PCSK5: variants seen among roughly 807,000 people sequenced by gnomAD.
PCSK5 encodes prohormone convertase 5.
PCSK5 carries 129 observed loss-of-function variants against 233.2 expected under a neutral mutation model. The observed-to-expected ratio is 0.55, with a 90% confidence interval of 0.48 to 0.64. PCSK5 has a LOEUF of 0.64. PCSK5 is among the 30% of genes least tolerant of loss of function. The pLI, the probability that PCSK5 is intolerant of heterozygous loss-of-function variation, is 0.00. For synonymous variants in PCSK5, 825 were observed against 879.2 expected (o/e 0.94, Z 1.09); for missense variants, 2,076 against 2,430.1 (o/e 0.85, Z 3.06).
At chr9:75,962,701 GGGCACACATAATTT>G (rs1825407443) in intron 2 of PCSK5, among the ~76,000 whole-genome samples, 1 of 152,240 alleles carries the variant, frequency 6.6e-6, no homozygotes, top group African/African-American at 2.4e-5. Flanking sequence ...CATTTGTGAT[GGGCACACATAATTT>G]GGCCCATCTG....
At chr9:76,216,645 T>C (rs1358224782) in intron 20 of PCSK5, among the ~76,000 whole-genome samples, 6 of 152,088 alleles carry the variant, frequency 3.9e-5, no homozygotes, top group Admixed American at 3.9e-4. Flanking sequence ...GAACTGTAGA[T>C]TTAGTATTGG....
At chr9:76,118,161 C>G (rs1040227338) in intron 9 of PCSK5, among the ~76,000 whole-genome samples, 2 of 151,990 alleles carry the variant, frequency 1.3e-5, no homozygotes, top group Non-Finnish European at 2.9e-5. Context: ...CAATTGTTAT[C>G]AGTTTGTCTG....
intron 10 of PCSK5, among the ~76,000 whole-genome samples, chr9:76,140,993 G>A (rs1823193371): frequency 1.3e-5 from 2 of 152,084 alleles, no homozygotes; most frequent in Non-Finnish European, 2.9e-5. Context: ...ACTTTACCTA[G>A]ATATTTGTAA....
At chr9:76,053,965 G>A (rs1384946910) in intron 5 of PCSK5, among the ~76,000 whole-genome samples, 1 of 152,174 alleles carries the variant, frequency 6.6e-6, no homozygotes, top group Non-Finnish European at 1.5e-5. Context: ...AAGAAAAAGA[G>A]GTTTGATAGA....
chr9:76,164,580 A>G (rs1376790889), intron 12 of PCSK5, among the ~76,000 whole-genome samples: 7 of 152,198 alleles, frequency 4.6e-5, no homozygotes, highest in South Asian at 2.1e-4. Flanking sequence ...GTCTAATTCT[A>G]TCAGTCTGCG....
chr9:76,145,699 T>C (rs1466685503), intron 10 of PCSK5, among the ~76,000 whole-genome samples: 11 of 152,162 alleles, frequency 7.2e-5, no homozygotes, highest in African/African-American at 2.7e-4. Context: ...CCATGGTAAG[T>C]GGGCACTGTG....
At chr9:76,299,245 G>A (rs575106403) in intron 27 of PCSK5, among the ~76,000 whole-genome samples, 20 of 152,302 alleles carry the variant, frequency 1.3e-4, no homozygotes, top group African/African-American at 4.3e-4. Flanking sequence ...ATCAAAGATT[G>A]TGCTCGACTC....
Position 75,890,953 on chromosome 9 carries a change from G to C in PCSK5, c.-229G>C, listed in dbSNP as rs767875979. ...ATCGCCGAGCGCCCCACGGGCCGGA[G>C]AGCTGGGAGCACAGGTCCCGGCAGC... On this transcript the variant is annotated 5_prime_UTR_variant, in exon 1 of 38. Coordinates refer to ENST00000674117, the MANE Select transcript of PCSK5 (RefSeq NM_001372043.1). 1.8e-5 allele frequency: 7 copies of C among 393,230 alleles called. No individual in the cohort carries two copies. Among genetic ancestry groups the C allele is most frequent in the Admixed American group, 4.5e-5 (1 of 22,212 alleles). The allele number at this position is 393,230 out of a possible 1,614,324, so 24.4% of individuals were successfully genotyped here.
At chr9:76,292,359 C>A in intron 25 of PCSK5, 84 bp downstream of exon 25, 2 of 873,768 alleles carry the variant, frequency 2.3e-6, no homozygotes, top group South Asian at 2.8e-5. Flanking sequence ...GCGATTAAAG[C>A]AAAGTGGCCC....
intron 15 of PCSK5, 29 bp from the exon 16 acceptor site, chr9:76,181,369 G>C (rs1209666498): frequency 2.5e-6 from 4 of 1,592,670 alleles, no homozygotes; most frequent in Non-Finnish European, 2.6e-6. Flanking sequence ...TCATGACGCT[G>C]CCTTCTTTCT....
At chr9:75,896,898 A>G (rs11998749) in intron 1 of PCSK5, among the ~76,000 whole-genome samples, 1 of 152,110 alleles carries the variant, frequency 6.6e-6, no homozygotes, top group Admixed American at 6.5e-5. Flanking sequence ...TCTCTACATC[A>G]AAGGGTACCA....
At chr9:76,074,581 G>A (rs1226125404) in intron 7 of PCSK5, among the ~76,000 whole-genome samples, 1 of 152,078 alleles carries the variant, frequency 6.6e-6, no homozygotes, top group Non-Finnish European at 1.5e-5. Flanking sequence ...AATACAAATA[G>A]GCTTTCAGGT....
chr9:76,340,901 T>G (rs2131500618), intron 35 of PCSK5, among the ~76,000 whole-genome samples: 1 of 151,992 alleles, frequency 6.6e-6, no homozygotes, highest in South Asian at 2.1e-4. Context: ...TCAATTTAAG[T>G]GACTATATTT....
At chr9:76,148,624 G>A (rs1295440930) in intron 10 of PCSK5, among the ~76,000 whole-genome samples, 1 of 152,100 alleles carries the variant, frequency 6.6e-6, no homozygotes, top group Non-Finnish European at 1.5e-5. Flanking sequence ...GGCCTCTGTT[G>A]ACAGGGGATA....
chr9:76,088,886 G>A (rs1321095341), intron 7 of PCSK5, among the ~76,000 whole-genome samples: 7 of 151,090 alleles, frequency 4.6e-5, no homozygotes, highest in Admixed American at 4.0e-4. Context: ...ACAAAAAACA[G>A]TAGTTTTTAA....
At chr9:76,345,235 C>A (rs542281591) in intron 35 of PCSK5, among the ~76,000 whole-genome samples, 115 of 150,300 alleles carry the variant, frequency 7.7e-4, no homozygotes, top group African/African-American at 2.7e-3. Context: ...ATTTTTGCAA[C>A]AGAGTCTTAC....
At chr9:75,948,245 T>A (rs1208018785) in intron 2 of PCSK5, among the ~76,000 whole-genome samples, 1 of 152,140 alleles carries the variant, frequency 6.6e-6, no homozygotes, top group Non-Finnish European at 1.5e-5. Flanking sequence ...TGTGCCATGT[T>A]GGTTGTTGCT....
chr9:75,978,742 A>G (rs1469868346), intron 2 of PCSK5, among the ~76,000 whole-genome samples: 1 of 152,118 alleles, frequency 6.6e-6, no homozygotes, highest in Non-Finnish European at 1.5e-5. Flanking sequence ...TTTTTCATAG[A>G]GTTTCAGAGG....
intron 10 of PCSK5, among the ~76,000 whole-genome samples, chr9:76,148,893 T>C (rs1226450001): frequency 1.3e-5 from 2 of 152,198 alleles, no homozygotes; most frequent in Non-Finnish European, 2.9e-5. Flanking sequence ...TTGGCCCTCA[T>C]TGCCTCCAGA....
Sources: gnomAD v4.1 joint callset for allele counts (sites outside exome capture counted in the v4.1 genomes callset) on GRCh38, gnomAD v4.1.1 for gene constraint, MANE v1.5 for transcripts, NCBI Gene and HGNC (gene_info 2026-07-23, HGNC 2026-07-21) for gene names.